NCKAP5: variants seen among roughly 807,000 people sequenced by gnomAD.
NCKAP5 encodes nck-associated protein 5.
In NCKAP5, 92 loss-of-function variants were observed where a neutral mutation model predicts 167.0. The observed-to-expected ratio is 0.55, with a 90% CI of 0.47 to 0.66. The LOEUF (loss-of-function observed/expected upper bound fraction) is 0.66. Ranked by LOEUF, NCKAP5 falls within the 30% of genes least tolerant of loss-of-function variation. The pLI is 0.00. For synonymous variants in NCKAP5, 891 were observed against 877.4 expected (o/e 1.02, Z -0.27); for missense variants, 2,378 against 2,315.0 (o/e 1.03, Z -0.56).
intron 3 of NCKAP5, among the ~76,000 whole-genome samples, chr2:133,497,787 G>A (rs1682072296): frequency 2.0e-5 from 3 of 152,136 alleles, no homozygotes; most frequent in Admixed American, 2.0e-4. Context: ...GTGACCAGAA[G>A]GGAAGAAGGC....
chr2:133,638,542 C>T, the NCKAP5 span, among the ~76,000 whole-genome samples: 2 of 152,138 alleles, frequency 1.3e-5, no homozygotes, highest in Admixed American at 1.3e-4. Context: ...AAATGTTAAA[C>T]TTCTCTCAAT....
intron 2 of NCKAP5, among the ~76,000 whole-genome samples, chr2:133,548,416 C>T (rs536188460): frequency 1.3e-5 from 2 of 151,472 alleles, no homozygotes; most frequent in Admixed American, 6.6e-5. Flanking sequence ...AACTCCAAGA[C>T]ACATAATTGT....
chr2:133,382,172 A>G (rs1022369447), intron 3 of NCKAP5, among the ~76,000 whole-genome samples: 5 of 152,112 alleles, frequency 3.3e-5, no homozygotes, highest in African/African-American at 1.2e-4. Flanking sequence ...CTCTTCCTCA[A>G]TCTCAAATTC....
chr2:133,590,948 TTG>T, the NCKAP5 span, among the ~76,000 whole-genome samples: 1 of 151,152 alleles, frequency 6.6e-6, no homozygotes, highest in Non-Finnish European at 1.5e-5. Context: ...AGAGAGAGTG[TTG>T]TGTGTCAATA....
intron 5 of NCKAP5, among the ~76,000 whole-genome samples, chr2:133,173,592 C>A (rs181617321): frequency 1.3e-5 from 2 of 152,240 alleles, no homozygotes; most frequent in East Asian, 3.9e-4. Context: ...CCCTTACCAC[C>A]CACTGGTCCC....
the NCKAP5 span, among the ~76,000 whole-genome samples, chr2:133,601,566 C>G: frequency 6.6e-6 from 1 of 151,950 alleles, no homozygotes; most frequent in Non-Finnish European, 1.5e-5. Context: ...CCCATCTCTA[C>G]TAAAAAAAAT....
At position 133,435,018 on chromosome 2, in the gene NCKAP5, G is replaced by T. The variant is rs1374776280; in HGVS notation, c.69+82440C>A. On this transcript the variant is annotated intron_variant, in intron 3 of 19. Coordinates refer to ENST00000409261, the MANE Select transcript of NCKAP5 (RefSeq NM_207363.3). ...CAAATCCAAAAGACTTTGAATTAAT[G>T]CAAGTATTATTTCCTTGGCAAAGCC... 3.9e-5 allele frequency among the ~76,000 whole-genome samples: 6 copies of T among 152,208 alleles called. No individual in the cohort carries two copies. In the South Asian group the frequency reaches 1.2e-3, roughly 32 times the overall value.
At chr2:133,445,199 A>G (rs1691116489) in intron 3 of NCKAP5, among the ~76,000 whole-genome samples, 1 of 151,930 alleles carries the variant, frequency 6.6e-6, no homozygotes, top group Admixed American at 6.5e-5. Context: ...TTAATACAAG[A>G]AATGAGCTTT....
At chr2:133,026,932 C>T (rs943620288) in intron 6 of NCKAP5, among the ~76,000 whole-genome samples, 4 of 152,192 alleles carry the variant, frequency 2.6e-5, no homozygotes, top group South Asian at 2.1e-4. Flanking sequence ...TCTCTTCTGT[C>T]CTGCTCTATT....
At chr2:133,203,006 G>A (rs190184303) in intron 5 of NCKAP5, among the ~76,000 whole-genome samples, 34 of 137,544 alleles carry the variant, frequency 2.5e-4, no homozygotes, top group Non-Finnish European at 4.1e-4. Flanking sequence ...TCTAGAACTA[G>A]AAACACCATT....
intron 2 of NCKAP5, among the ~76,000 whole-genome samples, chr2:133,519,490 C>T (rs1410879129): frequency 6.6e-6 from 1 of 152,148 alleles, no homozygotes; most frequent in Admixed American, 6.5e-5. Flanking sequence ...TCCCTCTCCC[C>T]CAGTCTCAGT....
intron 3 of NCKAP5, among the ~76,000 whole-genome samples, chr2:133,511,613 T>C (rs965545415): frequency 6.6e-6 from 1 of 152,228 alleles, no homozygotes; most frequent in East Asian, 1.9e-4. Context: ...ACCAGTTACT[T>C]TTCTCCTAAA....
rs896201556 is a variant in NCKAP5, at chr2:132,969,734, G to A, written c.430-5865C>T. Among the ~76,000 whole-genome samples the A allele has an allele frequency of 7.2e-5, 11 of 152,050 alleles. No individual in the cohort carries two copies. The South Asian group carries it at 8.3e-4, about 11-fold the overall frequency. The stretch of plus-strand genomic sequence containing the variant: ...GGGTGCAGGTACTGCTGATGTGCTC[G>A]TGACAAAGAGAGTTTAAAGCTGCTC... On this transcript the variant is annotated intron_variant, in intron 7 of 19. Transcript: ENST00000409261.
chr2:133,057,701 C>T (rs113357908), intron 6 of NCKAP5, among the ~76,000 whole-genome samples: 2,030 of 152,244 alleles, frequency 0.013, 45 homozygotes, highest in African/African-American at 0.046. Flanking sequence ...TACCATAACA[C>T]GAAAATGCAA....
intron 16 of NCKAP5, among the ~76,000 whole-genome samples, chr2:132,735,148 TG>T (rs1691390331): frequency 6.6e-6 from 1 of 152,022 alleles, no homozygotes; most frequent in Admixed American, 6.6e-5. Context: ...TCTGCCCTCT[TG>T]GATTGAATCC....
chr2:133,514,343 T>G (rs547358346), intron 3 of NCKAP5, among the ~76,000 whole-genome samples: 21 of 152,354 alleles, frequency 1.4e-4, no homozygotes, highest in Non-Finnish European at 2.5e-4. Context: ...CACATGGACA[T>G]GTATATGTGT....
chr2:133,497,090 C>G (rs1006865700), intron 3 of NCKAP5, among the ~76,000 whole-genome samples: 1 of 152,166 alleles, frequency 6.6e-6, no homozygotes, highest in African/African-American at 2.4e-5. Flanking sequence ...CCCATGGAAA[C>G]TGAGCACTAT....
intron 5 of NCKAP5, among the ~76,000 whole-genome samples, chr2:133,179,744 T>G (rs1001618447): frequency 6.6e-6 from 1 of 152,070 alleles, no homozygotes; most frequent in African/African-American, 2.4e-5. Context: ...AATCGTAGCA[T>G]GGAGGTGCAG....
intron 8 of NCKAP5, among the ~76,000 whole-genome samples, chr2:132,906,433 G>A (rs1408316556): frequency 2.0e-5 from 3 of 152,250 alleles, no homozygotes; most frequent in East Asian, 1.9e-4. Flanking sequence ...AGTTGTCATC[G>A]CCATGCAGAG....
Sources: gnomAD v4.1 joint callset for allele counts (sites outside exome capture counted in the v4.1 genomes callset) on GRCh38, gnomAD v4.1.1 for gene constraint, MANE v1.5 for transcripts, NCBI Gene and HGNC (gene_info 2026-07-23, HGNC 2026-07-21) for gene names.